The following MRRF variants were observed in gnomAD, a reference collection of about 807,000 sequenced individuals.
MRRF encodes the protein ribosome-recycling factor, mitochondrial.
A neutral mutation model predicts 25.1 loss-of-function variants in MRRF; 18 were observed. That is an observed-to-expected ratio of 0.72 (90% CI 0.50 to 1.06). The LOEUF is 1.06. Among genes scored for constraint, MRRF ranks in the 50% least tolerant of loss-of-function variants. The pLI, the probability that MRRF is intolerant of heterozygous loss-of-function variation, is 0.00. For synonymous variants in MRRF, 113 were observed against 112.1 expected, an observed-to-expected ratio of 1.01 and a Z score of -0.05; for missense variants, 323 against 319.3, an observed-to-expected ratio of 1.01 and a Z score of -0.09.
chr9:122,271,210 T>A (rs997899601), intron 2 of MRRF, 135 bp downstream of exon 2: 5 of 806,956 alleles, frequency 6.2e-6, no homozygotes, highest in Admixed American at 5.7e-5. Context: ...AGCTATTTCA[T>A]TGGATTAGCT....
intron 5 of MRRF, among the ~76,000 whole-genome samples, chr9:122,295,897 C>T (rs1288186649): frequency 1.3e-5 from 2 of 152,146 alleles, no homozygotes; most frequent in Non-Finnish European, 2.9e-5. Flanking sequence ...ATTTTATTTT[C>T]AATTGAAGCA....
chr9:122,295,163 T>C (rs1350153669), intron 5 of MRRF, among the ~76,000 whole-genome samples: 2 of 152,228 alleles, frequency 1.3e-5, no homozygotes, highest in African/African-American at 2.4e-5. Flanking sequence ...CCATATATGC[T>C]TATTGGGAGA....
intron 5 of MRRF, among the ~76,000 whole-genome samples, chr9:122,301,992 C>T (rs1296919155): frequency 6.6e-6 from 1 of 151,802 alleles, no homozygotes; most frequent in Non-Finnish European, 1.5e-5. Flanking sequence ...GATCCACCTG[C>T]CTTGGCCTCC....
intron 5 of MRRF, among the ~76,000 whole-genome samples, chr9:122,305,452 ATGT>A (rs1167817858): frequency 6.6e-6 from 1 of 151,728 alleles, no homozygotes; most frequent in Non-Finnish European, 1.5e-5. Flanking sequence ...GGGTCTCACC[ATGT>A]TGTCCAGGCT....
intron 5 of MRRF, among the ~76,000 whole-genome samples, chr9:122,292,146 G>T (rs1375919824): frequency 6.6e-6 from 1 of 152,212 alleles, no homozygotes; most frequent in Non-Finnish European, 1.5e-5. Context: ...TATGAGGAAA[G>T]AAAAGACAGT....
At chr9:122,293,038 T>C (rs749542506) in intron 5 of MRRF, among the ~76,000 whole-genome samples, 5 of 152,180 alleles carry the variant, frequency 3.3e-5, no homozygotes, top group Admixed American at 6.5e-5. Context: ...CGGGCTTCCC[T>C]GATAGTTGCA....
At chr9:122,277,838 C>T (rs1350411113) in intron 2 of MRRF, among the ~76,000 whole-genome samples, 1 of 152,198 alleles carries the variant, frequency 6.6e-6, no homozygotes, top group African/African-American at 2.4e-5. Context: ...AGGCATGAGC[C>T]ACCACGCCTG....
At chr9:122,292,358 C>T (rs760225105) in intron 5 of MRRF, among the ~76,000 whole-genome samples, 7 of 152,148 alleles carry the variant, frequency 4.6e-5, no homozygotes, top group Non-Finnish European at 1.0e-4. Flanking sequence ...TAGTCTCTAA[C>T]TTATATTCTT....
intron 2 of MRRF, among the ~76,000 whole-genome samples, chr9:122,272,581 CTTGAGGTGAGGAGT>C (rs1193753168): frequency 6.6e-6 from 1 of 151,834 alleles, no homozygotes; most frequent in Non-Finnish European, 1.5e-5. Context: ...GGAAGGATGG[CTTGAGGTGAGGAGT>C]TTGAGGCTGC....
At chr9:122,307,971 T>G (rs1451973578) in intron 5 of MRRF, among the ~76,000 whole-genome samples, 5 of 152,210 alleles carry the variant, frequency 3.3e-5, no homozygotes, top group African/African-American at 1.2e-4. Flanking sequence ...GAAGTATCAT[T>G]TCAGTCAGTG....
chr9:122,326,821 G>T lies in MRRF; in HGVS notation c.*4204G>T, dbSNP rs1588101075. The stretch of plus-strand genomic sequence containing the variant: ...TTCTGATGAATCCTTGTTAATGTAG[G>T]TGTTATGATTATCTGTGTTTTTCTG... On this transcript the variant is annotated 3_prime_UTR_variant, in exon 7 of 7. Coordinates refer to ENST00000344641, the MANE Select transcript of MRRF (RefSeq NM_138777.5). 1.3e-5 allele frequency: 2 copies of T among 152,080 alleles called. No homozygotes were observed. Among genetic ancestry groups the T allele is most frequent in the Admixed American group, 6.5e-5 (1 of 15,272 alleles). The allele number at this position is 152,080 out of a possible 1,614,324, so 9.4% of individuals were successfully genotyped here. A position where few individuals can be genotyped will look rare whatever the true frequency, so the allele number is the denominator to read the frequency against.
intron 2 of MRRF, 94 bp from the exon 3 acceptor site, chr9:122,280,348 AT>A: frequency 1.5e-6 from 2 of 1,354,376 alleles, no homozygotes; most frequent in Admixed American, 3.5e-5. Context: ...AACACTTGAC[AT>A]TTTTCCCTGT....
At chr9:122,310,451 C>A (rs1250180572) in intron 5 of MRRF, among the ~76,000 whole-genome samples, 5 of 152,242 alleles carry the variant, frequency 3.3e-5, no homozygotes, top group Admixed American at 3.3e-4. Context: ...CACTACATCT[C>A]CCACTGTGCT....
intron 1 of MRRF, chr9:122,265,447 A>T (rs1832006656): frequency 3.1e-6 from 1 of 318,640 alleles, no homozygotes; most frequent in Admixed American, 4.3e-5. Context: ...TAGTATTGTC[A>T]TTTACGTTTT....
At chr9:122,312,223 A>G (rs1380605024) in intron 5 of MRRF, among the ~76,000 whole-genome samples, 1 of 152,206 alleles carries the variant, frequency 6.6e-6, no homozygotes, top group Non-Finnish European at 1.5e-5. Context: ...AACATCTGTG[A>G]GCCTGTTTCC....
chr9:122,285,172 C>T lies in MRRF; in HGVS notation c.344C>T (p.Ser115Phe). The change falls in exon 4 of 7, where the codon TCC (serine) becomes TTC (phenylalanine). Residue 115 changes from serine to phenylalanine, a missense_variant. Physicochemically the swap from Ser to Phe is radical, Grantham distance 155 (BLOSUM62 -2). Transcript: ENST00000344641. ...AACTCTGTAATTTTTCTTTTAGGAT[C>T]CCTTGACAAGATTGCTGTGGTAACT... ...KTLNIRTSPG[S>F]LDKIAVVTAD... 1 of 1,600,926 alleles carries T rather than the reference C, an allele frequency of 6.2e-7. No homozygotes were observed. Among genetic ancestry groups the T allele is most frequent in the South Asian group, 1.1e-5 (1 of 90,818 alleles).
At chr9:122,304,975 C>G (rs1834744404) in intron 5 of MRRF, among the ~76,000 whole-genome samples, 1 of 151,746 alleles carries the variant, frequency 6.6e-6, no homozygotes, top group African/African-American at 2.4e-5. Context: ...CAGGGTCTTG[C>G]TTTGTTACCC....
At chr9:122,287,577 T>G (rs2118762231) in intron 4 of MRRF, among the ~76,000 whole-genome samples, 1 of 152,350 alleles carries the variant, frequency 6.6e-6, no homozygotes, top group Non-Finnish European at 1.5e-5. Flanking sequence ...CAGCCACTTC[T>G]TTTATTAAAT....
intron 5 of MRRF, among the ~76,000 whole-genome samples, chr9:122,304,062 AACACACACACACACACAC>A (rs66775611): frequency 2.9e-5 from 4 of 139,806 alleles, no homozygotes; most frequent in East Asian, 2.1e-4. Flanking sequence ...ACCCTTTTCT[AACACACACACACACACAC>A]ACACACACAC....
Sources: allele counts gnomAD v4.1 joint callset (sites outside exome capture counted in the v4.1 genomes callset), GRCh38; gene constraint gnomAD v4.1.1; transcripts MANE v1.5; gene names NCBI Gene and HGNC (gene_info 2026-07-23, HGNC 2026-07-21).